The following FHIT variants were observed in gnomAD, a reference collection of about 807,000 sequenced individuals.
FHIT encodes fragile histidine triad diadenosine triphosphatase.
In FHIT, 19 loss-of-function variants were observed where a neutral mutation model predicts 17.9. That is an observed-to-expected ratio of 1.06 (90% CI 0.74 to 1.56). The LOEUF (loss-of-function observed/expected upper bound fraction) is 1.56. Ranked by LOEUF, FHIT falls within the 40% of genes most tolerant of loss-of-function variation. The pLI, the probability that FHIT is intolerant of heterozygous loss-of-function variation, is 0.00. For missense variants in FHIT, 248 were observed against 189.2 expected (o/e 1.31, Z -1.82); for synonymous variants, 81 against 69.7 (o/e 1.16, Z -0.81).
intron 4 of FHIT, among the ~76,000 whole-genome samples, chr3:60,625,269 T>A (rs1553680514): frequency 1.3e-5 from 2 of 152,184 alleles, no homozygotes; most frequent in African/African-American, 4.8e-5. Flanking sequence ...AGCTTTTGAG[T>A]GGACATATGT....
intron 8 of FHIT, among the ~76,000 whole-genome samples, chr3:59,895,128 C>G (rs2107037727): frequency 6.6e-6 from 1 of 152,276 alleles, no homozygotes; most frequent in South Asian, 2.1e-4. Context: ...CTGAATGCTA[C>G]AAAACATCTC....
At chr3:60,457,412 C>T (rs1411701072) in intron 5 of FHIT, among the ~76,000 whole-genome samples, 1 of 151,996 alleles carries the variant, frequency 6.6e-6, no homozygotes, top group African/African-American at 2.4e-5. Context: ...CTTCCTTACA[C>T]CTTATACAAA....
In FHIT at chr3:60,712,142, T is replaced by C. The variant is rs1270079803; in HGVS notation, c.-18+109777A>G. Among the ~76,000 whole-genome samples, 3 of 152,276 alleles carry C rather than the reference T, an allele frequency of 2.0e-5. No homozygotes were observed. In the East Asian group the frequency reaches 5.8e-4, roughly 29 times the overall value. On this transcript the variant is annotated intron_variant, in intron 4 of 9. Transcript: ENST00000492590. The stretch of plus-strand genomic sequence containing the variant: ...TTCAACATTCTTAAAGAAAAGAATT[T>C]TCAACCCAGAATTTCATATCCAGCC...
At chr3:60,530,813 G>T (rs2035749190) in intron 5 of FHIT, among the ~76,000 whole-genome samples, 1 of 152,188 alleles carries the variant, frequency 6.6e-6, no homozygotes, top group Admixed American at 6.5e-5. Context: ...AAAGATGTTG[G>T]TCAACTTTGA....
chr3:60,482,494 A>G (rs956319546), intron 5 of FHIT, among the ~76,000 whole-genome samples: 1 of 152,214 alleles, frequency 6.6e-6, no homozygotes, highest in African/African-American at 2.4e-5. Context: ...ACCACAGTGC[A>G]ATCAAATTAG....
At chr3:60,671,364 C>G (rs1389713358) in intron 4 of FHIT, among the ~76,000 whole-genome samples, 1 of 152,112 alleles carries the variant, frequency 6.6e-6, no homozygotes, top group African/African-American at 2.4e-5. Flanking sequence ...CACATACACA[C>G]ACACACACAA....
intron 5 of FHIT, among the ~76,000 whole-genome samples, chr3:60,018,538 G>C (rs1158765130): frequency 1.3e-5 from 2 of 152,146 alleles, no homozygotes; most frequent in African/African-American, 4.8e-5. Context: ...CATGAAGAAA[G>C]AACTAAGGCA....
At chr3:60,603,315 T>G (rs1379249042) in intron 4 of FHIT, among the ~76,000 whole-genome samples, 1 of 152,230 alleles carries the variant, frequency 6.6e-6, no homozygotes, top group Non-Finnish European at 1.5e-5. Flanking sequence ...CAGTTTCTTT[T>G]TCTTCTGTTA....
chr3:61,196,511 CT>C (rs1429665770), intron 2 of FHIT, among the ~76,000 whole-genome samples: 7 of 151,956 alleles, frequency 4.6e-5, no homozygotes, highest in Non-Finnish European at 1.0e-4. Flanking sequence ...TACTTTTTAC[CT>C]GGCACACTCT....
At chr3:60,431,633 G>C (rs559723381) in intron 5 of FHIT, among the ~76,000 whole-genome samples, 1 of 151,848 alleles carries the variant, frequency 6.6e-6, no homozygotes, top group Non-Finnish European at 1.5e-5. Context: ...TCTTGTCCTC[G>C]GCTACACATG....
At chr3:60,688,068 C>T (rs2040899689) in intron 4 of FHIT, among the ~76,000 whole-genome samples, 1 of 151,580 alleles carries the variant, frequency 6.6e-6, no homozygotes, top group Non-Finnish European at 1.5e-5. Context: ...TATATTTCTT[C>T]TCAGTACCCT....
chr3:59,929,015 A>G (rs566685225), intron 7 of FHIT, among the ~76,000 whole-genome samples: 1 of 150,852 alleles, frequency 6.6e-6, no homozygotes, highest in Non-Finnish European at 1.5e-5. Context: ...AAAAAAAAAA[A>G]AAAAAGGACA....
intron 5 of FHIT, among the ~76,000 whole-genome samples, chr3:60,301,116 G>A (rs549070103): frequency 9.2e-5 from 14 of 151,890 alleles, no homozygotes; most frequent in Non-Finnish European, 1.3e-4. Flanking sequence ...AAACTGAAAC[G>A]GTTTTCTCTT....
At chr3:60,543,538 T>C (rs242187) in intron 4 of FHIT, among the ~76,000 whole-genome samples, 120,417 of 152,054 alleles carry the variant, frequency 0.79, 48,161 homozygotes, top group Non-Finnish European at 0.85. Context: ...TTCCCTTATA[T>C]GTTTTATGCA....
intron 3 of FHIT, among the ~76,000 whole-genome samples, chr3:60,925,065 G>C (rs1374915348): frequency 3.9e-5 from 6 of 152,184 alleles, no homozygotes; most frequent in Non-Finnish European, 2.9e-5. Context: ...TATGTGAAAA[G>C]ACCAAATCTA....
At chr3:60,131,082 C>CATATGT (rs1553693105) in intron 5 of FHIT, among the ~76,000 whole-genome samples, 1 of 49,330 alleles carries the variant, frequency 2.0e-5, no homozygotes, top group Admixed American at 2.3e-4. Flanking sequence ...TATGTATACA[C>CATATGT]ATATATACAC....
chr3:60,610,584 G>A (rs2038754628), intron 4 of FHIT, among the ~76,000 whole-genome samples: 1 of 152,132 alleles, frequency 6.6e-6, no homozygotes, highest in Admixed American at 6.5e-5. Flanking sequence ...AGCTTCTTGA[G>A]AGAACTATTA....
intron 5 of FHIT, among the ~76,000 whole-genome samples, chr3:60,404,187 T>C (rs1433882583): frequency 6.6e-6 from 1 of 152,214 alleles, no homozygotes; most frequent in Non-Finnish European, 1.5e-5. Context: ...TGCGTCATTC[T>C]TTCCTTGCTT....
chr3:59,990,435 G>C (rs1047450570), intron 7 of FHIT, among the ~76,000 whole-genome samples: 1 of 152,000 alleles, frequency 6.6e-6, no homozygotes, highest in African/African-American at 2.4e-5. Flanking sequence ...TACATTTAGA[G>C]AAAGTATATT....
Sources: gnomAD v4.1 joint callset for allele counts (sites outside exome capture counted in the v4.1 genomes callset) on GRCh38, gnomAD v4.1.1 for gene constraint, MANE v1.5 for transcripts, NCBI Gene and HGNC (gene_info 2026-07-23, HGNC 2026-07-21) for gene names.